The following MBOAT2 variants were observed in gnomAD, a reference collection of about 807,000 sequenced individuals.
MBOAT2 encodes membrane bound glycerophospholipid O-acyltransferase 2, also known as membrane-bound glycerophospholipid O-acyltransferase 2.
MBOAT2 carries 28 observed loss-of-function variants against 63.4 expected under a neutral mutation model. The observed-to-expected ratio is 0.44, with a 90% CI of 0.33 to 0.61. The LOEUF is 0.61. Among genes scored for constraint, MBOAT2 ranks in the 20% least tolerant of loss-of-function variants. MBOAT2 has a pLI of 0.03. For synonymous variants in MBOAT2, 211 were observed against 215.6 expected (o/e 0.98, Z 0.19); for missense variants, 470 against 605.8 (o/e 0.78, Z 2.35).
intron 3 of MBOAT2, among the ~76,000 whole-genome samples, chr2:8,930,182 T>C (rs1667216534): frequency 6.6e-6 from 1 of 152,236 alleles, no homozygotes; most frequent in Non-Finnish European, 1.5e-5. Context: ...TTCCTCAAGA[T>C]CTGAGACATG....
chr2:8,947,419 G>A (rs1037002810), intron 2 of MBOAT2, among the ~76,000 whole-genome samples: 6 of 152,132 alleles, frequency 3.9e-5, no homozygotes, highest in East Asian at 1.9e-4. Context: ...TGATGAAGGC[G>A]GCTACACTAA....
Position 8,958,920 on chromosome 2 carries a change from G to A in MBOAT2, c.76-278C>T, listed in dbSNP as rs894620273. Among the ~76,000 whole-genome samples the A allele has an allele frequency of 2.0e-5, 3 of 152,158 alleles. 1 individual carries two copies. The South Asian group carries it at 6.2e-4, about 32-fold the overall frequency. On this transcript the variant is annotated intron_variant, in intron 1 of 12. Coordinates refer to ENST00000305997, the MANE Select transcript of MBOAT2 (RefSeq NM_138799.4). ...GAAGGACACCTGGAAAAATCTGATTGACACTGGTCTGCAGACACAGAAACA... is the reference window on the plus strand; with the variant it reads ...GAAGGACACCTGGAAAAATCTGATTAACACTGGTCTGCAGACACAGAAACA...
intron 1 of MBOAT2, among the ~76,000 whole-genome samples, chr2:9,002,872 A>C (rs1008849165): frequency 7.2e-5 from 11 of 152,178 alleles, no homozygotes; most frequent in African/African-American, 2.7e-4. Context: ...CAAGGTTGCC[A>C]CTTTGTCAGC....
chr2:8,995,718 G>A (rs1672242237), intron 1 of MBOAT2, among the ~76,000 whole-genome samples: 1 of 151,270 alleles, frequency 6.6e-6, no homozygotes, highest in South Asian at 2.1e-4. Context: ...AGCCTCCCAA[G>A]TAGCTGGGAC....
At chr2:8,938,751 ATTTCATGCCGTG>A (rs941909414) in intron 3 of MBOAT2, among the ~76,000 whole-genome samples, 3 of 151,360 alleles carry the variant, frequency 2.0e-5, no homozygotes, top group Non-Finnish European at 2.9e-5. Context: ...ATGCCGCCAC[ATTTCATGCCGTG>A]TTTCATGCCA....
intron 4 of MBOAT2, among the ~76,000 whole-genome samples, chr2:8,894,891 G>C (rs934993167): frequency 1.3e-5 from 2 of 152,054 alleles, no homozygotes; most frequent in African/African-American, 4.8e-5. Context: ...GTTCCTCCCA[G>C]TGGGTTCGTG....
rs139881061 is a variant in MBOAT2 at position 8,894,400 on chromosome 2, G to C, written c.396-6327C>G. On this transcript the variant is annotated intron_variant, in intron 4 of 12. Transcript: ENST00000305997. ...ATCAAACGTAGGTCAAGGGCTGGGA[G>C]ACACTCCCACAGAATGGGCCAGGAT... 5.7e-4 allele frequency among the ~76,000 whole-genome samples: 87 copies of C among 152,352 alleles called. No individual in the cohort carries two copies. In the East Asian group the frequency reaches 0.016, roughly 28 times the overall value.
chr2:8,885,174 G>A (rs1663456426), intron 5 of MBOAT2, among the ~76,000 whole-genome samples: 1 of 152,158 alleles, frequency 6.6e-6, no homozygotes. Context: ...AAAAGAAAAT[G>A]ATTGCTTATC....
At chr2:8,974,635 T>G (rs74733035) in intron 1 of MBOAT2, among the ~76,000 whole-genome samples, 16,435 of 152,156 alleles carry the variant, frequency 0.11, 1,081 homozygotes, top group African/African-American at 0.18. Flanking sequence ...GTGGAGGATG[T>G]GGTAAAAGTG....
chr2:8,977,487 C>G (rs993788630), intron 1 of MBOAT2, among the ~76,000 whole-genome samples: 26 of 152,186 alleles, frequency 1.7e-4, no homozygotes, highest in Middle Eastern at 3.4e-3. Flanking sequence ...TACAAAGGCT[C>G]TTAGAACTCG....
intron 2 of MBOAT2, among the ~76,000 whole-genome samples, chr2:8,958,019 C>A (rs1669347878): frequency 6.6e-6 from 1 of 152,118 alleles, no homozygotes; most frequent in East Asian, 1.9e-4. Flanking sequence ...ATAAATAATT[C>A]TTCCCCAGGA....
intron 9 of MBOAT2, among the ~76,000 whole-genome samples, chr2:8,866,991 A>G (rs1268777233): frequency 6.6e-6 from 1 of 152,136 alleles, no homozygotes; most frequent in African/African-American, 2.4e-5. Context: ...CTTCACCTCA[A>G]GTTTTAGTAA....
chr2:8,990,675 C>T (rs1227762091), intron 1 of MBOAT2, among the ~76,000 whole-genome samples: 2 of 152,088 alleles, frequency 1.3e-5, no homozygotes, highest in Non-Finnish European at 2.9e-5. Flanking sequence ...AAATGAATTC[C>T]TTCAATTCAC....
intron 3 of MBOAT2, among the ~76,000 whole-genome samples, chr2:8,928,631 AATT>A (rs1209250279): frequency 1.3e-5 from 2 of 152,158 alleles, no homozygotes; most frequent in African/African-American, 4.8e-5. Flanking sequence ...ATTCAAGAAT[AATT>A]ATAATAAAAT....
chr2:8,883,041 T>A (rs954758154), intron 5 of MBOAT2, among the ~76,000 whole-genome samples: 1 of 152,114 alleles, frequency 6.6e-6, no homozygotes, highest in African/African-American at 2.4e-5. Flanking sequence ...TATTTACGTT[T>A]CTCTTCAAAG....
chr2:8,988,345 T>C (rs1389887191), intron 1 of MBOAT2, among the ~76,000 whole-genome samples: 1 of 152,244 alleles, frequency 6.6e-6, no homozygotes, highest in African/African-American at 2.4e-5. Flanking sequence ...ATATTTATTG[T>C]TACTATATGA....
Position 8,993,896 on chromosome 2 carries a change from G to C in MBOAT2, c.75+9644C>G, listed in dbSNP as rs553600289. Among the ~76,000 whole-genome samples, 67 of 152,260 alleles carry C rather than the reference G, an allele frequency of 4.4e-4. No homozygotes were observed. In the South Asian group the frequency reaches 0.013, roughly 31 times the overall value. On this transcript the variant is annotated intron_variant, in intron 1 of 12. Transcript: ENST00000305997. Reference sequence around the variant, plus strand: ...CAGCATGGTGCCCTCTCCAGCCCCTGGAAAAGCACTTAAAGTCAGTAACAC... The same window carrying C: ...CAGCATGGTGCCCTCTCCAGCCCCTCGAAAAGCACTTAAAGTCAGTAACAC...
intron 3 of MBOAT2, among the ~76,000 whole-genome samples, chr2:8,920,476 G>A (rs1369979558): frequency 1.3e-5 from 2 of 151,856 alleles, no homozygotes; most frequent in Non-Finnish European, 2.9e-5. Context: ...TTCAAACTCT[G>A]TTATACTTTT....
At chr2:8,961,559 AG>A (rs1485036969) in intron 1 of MBOAT2, among the ~76,000 whole-genome samples, 1 of 152,030 alleles carries the variant, frequency 6.6e-6, no homozygotes, top group African/African-American at 2.4e-5. Flanking sequence ...ACATCTACAG[AG>A]AAGCAGCATT....
Sources: allele counts gnomAD v4.1 joint callset (sites outside exome capture counted in the v4.1 genomes callset), GRCh38; gene constraint gnomAD v4.1.1; transcripts MANE v1.5; gene names NCBI Gene and HGNC (gene_info 2026-07-23, HGNC 2026-07-21).